The following SPMIP3 variants were observed in gnomAD, a reference collection of about 807,000 sequenced individuals.
SPMIP3 encodes the protein sperm microtubule inner protein 3, also known as protein SPMIP3.
At chr1:244,372,341 T>C in the SPMIP3 span, among the ~76,000 whole-genome samples, 12 of 152,352 alleles carry the variant, frequency 7.9e-5, no homozygotes, top group East Asian at 1.2e-3. Flanking sequence ...TAAATGTTGG[T>C]TGAGTCGAAC....
chr1:244,374,030 T>G, the SPMIP3 span, among the ~76,000 whole-genome samples: 6 of 152,064 alleles, frequency 3.9e-5, no homozygotes, highest in African/African-American at 1.4e-4. Context: ...GGAGAATCAC[T>G]TGAACTCAGG....
the SPMIP3 span, among the ~76,000 whole-genome samples, chr1:244,373,244 C>CA: frequency 2.5e-4 from 37 of 148,460 alleles, no homozygotes; most frequent in African/African-American, 9.2e-4. Context: ...ACATTGCCAT[C>CA]AAAAAAGATC....
the SPMIP3 span, among the ~76,000 whole-genome samples, chr1:244,384,904 T>TTTTG: frequency 6.6e-6 from 1 of 152,060 alleles, no homozygotes; most frequent in South Asian, 2.1e-4. Context: ...TTTGGCCAGT[T>TTTTG]TTTGTTTGTT....
At chr1:244,360,509 TACACACACACACACACACAC>T in the SPMIP3 span, among the ~76,000 whole-genome samples, 8 of 59,096 alleles carry the variant, frequency 1.4e-4, no homozygotes, top group East Asian at 7.2e-4. Context: ...AAACGTGATA[TACACACACACACACACACAC>T]ACACACACAC....
the SPMIP3 span, among the ~76,000 whole-genome samples, chr1:244,377,579 A>T: frequency 6.6e-6 from 1 of 152,198 alleles, no homozygotes; most frequent in East Asian, 1.9e-4. Flanking sequence ...TTGACATCCT[A>T]ATTGTTGGGA....
At chr1:244,382,282 T>G in the SPMIP3 span, among the ~76,000 whole-genome samples, 2 of 151,692 alleles carry the variant, frequency 1.3e-5, no homozygotes, top group Non-Finnish European at 2.9e-5. Context: ...GAGATGAGGA[T>G]AGCTAAAGGA....
chr1:244,361,793 G>A, the SPMIP3 span, among the ~76,000 whole-genome samples: 5 of 152,102 alleles, frequency 3.3e-5, no homozygotes, highest in African/African-American at 1.2e-4. Context: ...GAATTTCTAG[G>A]CACTGAGCAC....
At chr1:244,388,698 G>A in the SPMIP3 span, among the ~76,000 whole-genome samples, 3 of 152,128 alleles carry the variant, frequency 2.0e-5, no homozygotes, top group Non-Finnish European at 4.4e-5. Flanking sequence ...ATGAGATGTC[G>A]ACATGCAAAT....
chr1:244,358,469 C>A, the SPMIP3 span, among the ~76,000 whole-genome samples: 1 of 151,486 alleles, frequency 6.6e-6, no homozygotes, highest in African/African-American at 2.4e-5. Context: ...TCTGTAATAC[C>A]AGCTAGTCAG....
At chr1:244,364,676 A>T in the SPMIP3 span, 40 of 1,609,368 alleles carry the variant, frequency 2.5e-5, no homozygotes, top group Non-Finnish European at 2.9e-5. Context: ...TTATGCCATA[A>T]TTTTTTTTCA....
the SPMIP3 span, among the ~76,000 whole-genome samples, chr1:244,352,896 A>C: frequency 1.2e-4 from 18 of 152,354 alleles, no homozygotes; most frequent in East Asian, 3.3e-3. Flanking sequence ...GTCTTTTGGA[A>C]AGTGAATACT....
chr1:244,364,902 A>G, the SPMIP3 span: 1 of 878,908 alleles, frequency 1.1e-6, no homozygotes, highest in South Asian at 1.5e-5. Flanking sequence ...TTTCCTGATG[A>G]GCAGGTCTGT....
the SPMIP3 span, among the ~76,000 whole-genome samples, chr1:244,370,484 C>A: frequency 6.6e-6 from 1 of 152,250 alleles, no homozygotes; most frequent in Admixed American, 6.5e-5. Flanking sequence ...CTAAACGTGG[C>A]TTTCCTGACC....
At chr1:244,387,979 G>C in the SPMIP3 span, among the ~76,000 whole-genome samples, 1 of 151,372 alleles carries the variant, frequency 6.6e-6, no homozygotes, top group African/African-American at 2.4e-5. Flanking sequence ...CCAGGCTGGA[G>C]TGCAATGGTG....
chr1:244,380,837 G>A, the SPMIP3 span, among the ~76,000 whole-genome samples: 1 of 152,118 alleles, frequency 6.6e-6, no homozygotes, highest in Non-Finnish European at 1.5e-5. Context: ...AAGGGAGGGA[G>A]AGGTGGATCT....
chr1:244,378,222 G>A, the SPMIP3 span, among the ~76,000 whole-genome samples: 1 of 152,120 alleles, frequency 6.6e-6, no homozygotes, highest in Non-Finnish European at 1.5e-5. Context: ...TGGAGAGTGT[G>A]ATACGCATCA....
chr1:244,369,158 CA>C, the SPMIP3 span, among the ~76,000 whole-genome samples: 55 of 146,902 alleles, frequency 3.7e-4, no homozygotes, highest in East Asian at 2.6e-3. Flanking sequence ...GACTCCGTCT[CA>C]AAAAAAAAAA....
the SPMIP3 span, among the ~76,000 whole-genome samples, chr1:244,354,554 T>C: frequency 6.6e-6 from 1 of 152,014 alleles, no homozygotes; most frequent in African/African-American, 2.4e-5. Flanking sequence ...TAGAAACAGG[T>C]TTCAACATGT....
At chr1:244,384,316 C>T in the SPMIP3 span, among the ~76,000 whole-genome samples, 1 of 152,102 alleles carries the variant, frequency 6.6e-6, no homozygotes, top group Non-Finnish European at 1.5e-5. Flanking sequence ...TGATCCTCCT[C>T]CCTCAGCCCC....
Sources: gnomAD v4.1 joint callset for allele counts (sites outside exome capture counted in the v4.1 genomes callset) on GRCh38, gnomAD v4.1.1 for gene constraint, MANE v1.5 for transcripts, NCBI Gene and HGNC (gene_info 2026-07-23, HGNC 2026-07-21) for gene names.